PHTF2: variants seen among roughly 807,000 people sequenced by gnomAD.
PHTF2 encodes putative homeodomain transcription factor 2.
Under a neutral mutation model 101.2 loss-of-function variants are expected in PHTF2, and 60 were observed. The ratio of observed to expected loss-of-function variants is 0.59; its 90% confidence interval spans 0.48 to 0.73. The LOEUF (loss-of-function observed/expected upper bound fraction) is 0.73, where lower values mean the gene tolerates loss of function less well. Ranked by LOEUF, PHTF2 falls within the 30% of genes least tolerant of loss-of-function variation. PHTF2 has a pLI of 0.00. For synonymous variants in PHTF2, 311 were observed against 307.3 expected (o/e 1.01, Z -0.13); for missense variants, 747 against 908.7 (o/e 0.82, Z 2.29).
At chr7:77,900,395 C>T (rs1801283145) in intron 5 of PHTF2, among the ~76,000 whole-genome samples, 2 of 152,270 alleles carry the variant, frequency 1.3e-5, no homozygotes, top group South Asian at 4.1e-4. Flanking sequence ...CAATATGGGG[C>T]CAATATAGTT....
rs1806363306 is a variant in PHTF2, at chr7:77,949,584, A to C, written c.1960-94A>C. 4 of 644,890 alleles carry C rather than the reference A, an allele frequency of 6.2e-6. No individual in the cohort carries two copies. The South Asian group carries it at 8.4e-5, about 14-fold the overall frequency. 39.9% of individuals were successfully genotyped at this position (644,890 alleles called of 1,614,324 possible). A position where few individuals can be genotyped will look rare whatever the true frequency, so the allele number is the denominator to read the frequency against. Reference sequence around the variant, plus strand: ...TAATGTAGAATGTTTCTAAAATGTAATACTAAATTTATGAACAATCTATGT... The same window carrying C: ...TAATGTAGAATGTTTCTAAAATGTACTACTAAATTTATGAACAATCTATGT... On this transcript the variant is annotated intron_variant, in intron 16 of 19. Transcript: ENST00000416283.
At chr7:77,853,925 G>A (rs561419594) in intron 2 of PHTF2, among the ~76,000 whole-genome samples, 24 of 152,030 alleles carry the variant, frequency 1.6e-4, no homozygotes, top group South Asian at 8.3e-4. Context: ...TTTGTTACTC[G>A]GGAATTGGTC....
chr7:77,914,492 A>G (rs1441488205), intron 9 of PHTF2, among the ~76,000 whole-genome samples: 1 of 152,164 alleles, frequency 6.6e-6, no homozygotes, highest in Non-Finnish European at 1.5e-5. Context: ...CTGAATGACT[A>G]AGTCTGGATT....
Position 77,893,587 on chromosome 7 carries a change from TGTA to T in PHTF2, c.148-18_148-16del, listed in dbSNP as rs1345436124. The T allele has an allele frequency of 8.9e-7, 1 of 1,117,480 alleles. No individual in the cohort carries two copies. Among genetic ancestry groups the T allele is most frequent in the Non-Finnish European group, 1.3e-6 (1 of 752,602 alleles). The allele number at this position is 1,117,480 out of a possible 1,614,324, so 69.2% of individuals were successfully genotyped here. ...ATGGGTACCAGCAATGACCATTTAA[TGTA>T]GTGTCTTCTTTTCATAGATTGGAGC... On this transcript the variant is annotated intron_variant, in intron 3 of 19. Transcript: ENST00000416283.
intron 18 of PHTF2, among the ~76,000 whole-genome samples, chr7:77,951,971 A>G (rs921484486): frequency 6.6e-6 from 1 of 152,110 alleles, no homozygotes. Flanking sequence ...ATCTTTGGAA[A>G]TGTATGCCTC....
intron 1 of PHTF2, among the ~76,000 whole-genome samples, chr7:77,824,762 G>A (rs1182448140): frequency 6.6e-6 from 1 of 152,104 alleles, no homozygotes; most frequent in Non-Finnish European, 1.5e-5. Flanking sequence ...GGCAAGCACA[G>A]TGGCTTACTC....
chr7:77,848,630 T>TCA (rs1383914190), intron 2 of PHTF2, among the ~76,000 whole-genome samples: 4 of 152,192 alleles, frequency 2.6e-5, no homozygotes, highest in Non-Finnish European at 5.9e-5. Flanking sequence ...AGATGGGTAG[T>TCA]TTGCAAATAT....
In PHTF2 at chr7:77,863,252, A is replaced by G. The variant is rs534916293; in HGVS notation, c.147+8418A>G. 3.9e-5 allele frequency among the ~76,000 whole-genome samples: 6 copies of G among 152,336 alleles called. No homozygotes were observed. In the South Asian group the frequency reaches 8.3e-4, roughly 21 times the overall value. Reference sequence around the variant, plus strand: ...TACCTAGTTTGTGGAGAAGGGGGATAGTGTAATCTCTAATGAAGTAGGATG... The same window carrying G: ...TACCTAGTTTGTGGAGAAGGGGGATGGTGTAATCTCTAATGAAGTAGGATG... On this transcript the variant is annotated intron_variant, in intron 3 of 19. Transcript: ENST00000416283.
intron 1 of PHTF2, among the ~76,000 whole-genome samples, chr7:77,816,042 G>T (rs1226405016): frequency 6.6e-6 from 1 of 151,922 alleles, no homozygotes; most frequent in Non-Finnish European, 1.5e-5. Flanking sequence ...TATTCTCTTG[G>T]AAATTTGGTT....
chr7:77,945,748 T>A (rs946393408), intron 16 of PHTF2, among the ~76,000 whole-genome samples: 3 of 152,170 alleles, frequency 2.0e-5, no homozygotes, highest in Non-Finnish European at 4.4e-5. Flanking sequence ...TTTATAGAAA[T>A]GCATAATCTA....
chr7:77,928,997 G>C, intron 11 of PHTF2, 112 bp from the exon 11 acceptor site: 2 of 663,312 alleles, frequency 3.0e-6, no homozygotes, highest in Non-Finnish European at 5.3e-6. Flanking sequence ...TATCTTTTGA[G>C]GGTGTATTTG....
intron 7 of PHTF2, among the ~76,000 whole-genome samples, chr7:77,902,249 T>C (rs1801464569): frequency 6.6e-6 from 1 of 152,236 alleles, no homozygotes; most frequent in African/African-American, 2.4e-5. Context: ...TACAAGTTTA[T>C]TATTCCTGCC....
At chr7:77,831,878 A>C (rs117736730) in intron 1 of PHTF2, among the ~76,000 whole-genome samples, 3,346 of 152,268 alleles carry the variant, frequency 0.022, 50 homozygotes, top group Middle Eastern at 0.044. Context: ...AAAATTATCC[A>C]CATTAAAGTA....
chr7:77,934,951 CAAAAAAA>C (rs796126878), intron 12 of PHTF2, among the ~76,000 whole-genome samples: 1 of 129,262 alleles, frequency 7.7e-6, no homozygotes, highest in African/African-American at 2.8e-5. Flanking sequence ...AACACAGTCT[CAAAAAAA>C]AAAAGAAAAA....
At chr7:77,902,760 ATTTGT>A (rs1340988005) in intron 7 of PHTF2, among the ~76,000 whole-genome samples, 1 of 152,110 alleles carries the variant, frequency 6.6e-6, no homozygotes, top group East Asian at 1.9e-4. Context: ...GATTATTTAA[ATTTGT>A]TTTATCAACA....
rs1428512079 is a variant in PHTF2 at position 77,947,833 on chromosome 7, C to CTT, written c.1960-1843_1960-1842dup. ...AGATTTATTTTCTTTTTTCTTTTTT[C>CTT]TTTCTTTTTTTTTTTTTTTTTTGAG... On this transcript the variant is annotated intron_variant, in intron 16 of 19. Coordinates refer to ENST00000416283, the Ensembl canonical transcript of PHTF2. Among the ~76,000 whole-genome samples the CTT allele has an allele frequency of 2.5e-4, 11 of 43,210 alleles. 1 individual carries two copies. Among genetic ancestry groups the CTT allele is most frequent in the African/African-American group, 7.5e-4 (8 of 10,672 alleles). 28.3% of individuals were successfully genotyped at this position (43,210 alleles called of 152,430 possible). A position where few individuals can be genotyped will look rare whatever the true frequency, so the allele number is the denominator to read the frequency against.
At chr7:77,923,576 A>G in intron 11 of PHTF2, 1 of 985,224 alleles carries the variant, frequency 1.0e-6, no homozygotes, top group South Asian at 4.7e-5. Context: ...CTTTCTGGTG[A>G]TTGTGGTTTT....
intron 3 of PHTF2, among the ~76,000 whole-genome samples, chr7:77,863,081 A>C (rs1326410077): frequency 6.6e-6 from 1 of 152,208 alleles, no homozygotes; most frequent in Non-Finnish European, 1.5e-5. Context: ...AAAGTTTCCC[A>C]TTTGAACTTT....
intron 4 of PHTF2, 86 bp from the exon 4 acceptor site, chr7:77,893,896 T>G: frequency 1.0e-6 from 1 of 980,410 alleles, no homozygotes; most frequent in Non-Finnish European, 1.6e-6. Context: ...GACTATTTTT[T>G]TGTCAGCTTT....
Sources: allele counts gnomAD v4.1 joint callset (sites outside exome capture counted in the v4.1 genomes callset), GRCh38; gene constraint gnomAD v4.1.1; transcripts MANE v1.5; gene names NCBI Gene and HGNC (gene_info 2026-07-23, HGNC 2026-07-21).